Variants in CDK6 observed in about 807,000 individuals in gnomAD.
CDK6 encodes the protein cyclin-dependent kinase 6.
In CDK6, 6 loss-of-function variants were observed where a neutral mutation model predicts 37.1. The ratio of observed to expected loss-of-function variants is 0.16; its 90% confidence interval spans 0.09 to 0.32. CDK6 has a LOEUF of 0.32. CDK6 is among the 10% of genes least tolerant of loss of function. CDK6 has a pLI of 1.00. For synonymous variants in CDK6, 160 were observed against 161.3 expected, an observed-to-expected ratio of 0.99 and a Z score of 0.06; for missense variants, 224 against 418.9, an observed-to-expected ratio of 0.53 and a Z score of 4.06.
chr7:92,644,126 G>A (rs910868181), intron 5 of CDK6, among the ~76,000 whole-genome samples: 3 of 152,164 alleles, frequency 2.0e-5, no homozygotes, highest in African/African-American at 7.2e-5. Context: ...ACAACCAAAA[G>A]GCTTTTGAAA....
At chr7:92,799,194 TAC>T (rs1281308170) in intron 2 of CDK6, among the ~76,000 whole-genome samples, 1 of 152,228 alleles carries the variant, frequency 6.6e-6, no homozygotes, top group Non-Finnish European at 1.5e-5. Context: ...CACTTTGTGC[TAC>T]ACTTTCTCAC....
In CDK6 at chr7:92,611,389, C is replaced by A. The variant is rs1258061284; in HGVS notation, c.*3751G>T. On this transcript the variant is annotated 3_prime_UTR_variant, in exon 8 of 8. Transcript: ENST00000424848. The stretch of plus-strand genomic sequence containing the variant: ...CCTAGACTCAACTATGCAATTAAAG[C>A]CTGCTTTTGGAAAATGTAAGACACT... The A allele has an allele frequency of 8.8e-6, 2 of 227,490 alleles. No homozygotes were observed. Among genetic ancestry groups the A allele is most frequent in the Admixed American group, 5.7e-5 (1 of 17,618 alleles). 14.1% of individuals were successfully genotyped at this position (227,490 alleles called of 1,614,324 possible).
chr7:92,767,795 G>T (rs1172022555), intron 3 of CDK6, among the ~76,000 whole-genome samples: 1 of 151,904 alleles, frequency 6.6e-6, no homozygotes, highest in East Asian at 1.9e-4. Flanking sequence ...GTAAAGTTGT[G>T]GTTTCTGTGG....
chr7:92,819,593 T>C (rs1225489899), intron 2 of CDK6, among the ~76,000 whole-genome samples: 1 of 151,964 alleles, frequency 6.6e-6, no homozygotes, highest in Non-Finnish European at 1.5e-5. Context: ...CACCAGGCAT[T>C]TAAAAAATTC....
At position 92,740,271 on chromosome 7, in the gene CDK6, T is replaced by C. The variant is rs73710468; in HGVS notation, c.370-14478A>G. The stretch of plus-strand genomic sequence containing the variant: ...ATCTCTGTTCTGTTGCAATGCTATT[T>C]GCTTTTCCTGGAATGCTTGCTCCAT... On this transcript the variant is annotated intron_variant, in intron 3 of 7. Transcript: ENST00000424848. 4.2e-3 allele frequency among the ~76,000 whole-genome samples: 642 copies of C among 152,334 alleles called. 5 individuals carry two copies. Among genetic ancestry groups the C allele is most frequent in the African/African-American group, 0.015 (607 of 41,566 alleles).
chr7:92,684,673 T>G (rs971712154), intron 4 of CDK6, among the ~76,000 whole-genome samples: 1 of 152,194 alleles, frequency 6.6e-6, no homozygotes, highest in Non-Finnish European at 1.5e-5. Flanking sequence ...CATGTCAGGC[T>G]CTTCCTCAAA....
At chr7:92,796,162 T>A (rs1800407022) in intron 2 of CDK6, among the ~76,000 whole-genome samples, 1 of 150,802 alleles carries the variant, frequency 6.6e-6, no homozygotes. Context: ...TTTTCTGTAA[T>A]GAGCAACAGA....
At chr7:92,700,344 G>C (rs1410525139) in intron 4 of CDK6, among the ~76,000 whole-genome samples, 5 of 152,164 alleles carry the variant, frequency 3.3e-5, no homozygotes, top group Admixed American at 3.3e-4. Context: ...CTGAAGGCAG[G>C]GATCTCAATG....
intron 5 of CDK6, among the ~76,000 whole-genome samples, chr7:92,654,151 C>T (rs1044200860): frequency 6.6e-6 from 1 of 150,744 alleles, no homozygotes; most frequent in African/African-American, 2.4e-5. Context: ...GTCTCTCCAT[C>T]TCAGATTGCT....
chr7:92,618,103 T>C lies in CDK6; in HGVS notation c.803A>G (p.Asp268Gly). The change falls in exon 7 of 8, where the codon GAT becomes GGT. Residue 268 changes from aspartate to glycine, a missense_variant. Physicochemically the swap from Asp to Gly is moderately conservative, Grantham distance 94. This residue lies in a region of CDK6 where 90 missense variants were observed against 136.2 expected (regional missense o/e 0.66). Coordinates refer to ENST00000424848, the MANE Select transcript of CDK6 (RefSeq NM_001145306.2). ...TAGGTCTTTGCCTAGTTCATCGATA[T>C]CTGTTACAAACTTCTCAATTGGTTG... ...SAQPIEKFVTDIDELGKDLLL... is the reference protein window; with the variant it reads ...SAQPIEKFVTGIDELGKDLLL... 6.2e-7 allele frequency: 1 copy of C among 1,614,162 alleles called. No homozygotes were observed. The highest frequency in any genetic ancestry group is 1.7e-5 in the Admixed American group (1 of 60,004).
intron 3 of CDK6, among the ~76,000 whole-genome samples, chr7:92,732,547 G>A (rs549630673): frequency 6.6e-6 from 1 of 152,288 alleles, no homozygotes; most frequent in South Asian, 2.1e-4. Flanking sequence ...CTTCAAATGA[G>A]GTAATGCTTA....
chr7:92,756,963 C>T (rs1364488539), intron 3 of CDK6, among the ~76,000 whole-genome samples: 1 of 151,882 alleles, frequency 6.6e-6, no homozygotes, highest in African/African-American at 2.4e-5. Flanking sequence ...TGTTTCTAAC[C>T]CAGAACTGAA....
intron 2 of CDK6, among the ~76,000 whole-genome samples, chr7:92,830,799 C>T (rs1271434396): frequency 2.0e-5 from 3 of 152,190 alleles, no homozygotes; most frequent in Non-Finnish European, 4.4e-5. Context: ...TTTCATGGCT[C>T]GTGACTGAGA....
intron 2 of CDK6, among the ~76,000 whole-genome samples, chr7:92,786,827 T>C (rs1311055370): frequency 6.6e-6 from 1 of 151,840 alleles, no homozygotes. Flanking sequence ...TTTTTAAAAA[T>C]GCAAGTTTCA....
intron 2 of CDK6, among the ~76,000 whole-genome samples, chr7:92,819,222 A>G (rs1801109032): frequency 6.6e-6 from 1 of 152,124 alleles, no homozygotes; most frequent in Non-Finnish European, 1.5e-5. Flanking sequence ...ATAATGGAAA[A>G]TGAACTACTC....
At chr7:92,816,676 G>A (rs895876053) in intron 2 of CDK6, among the ~76,000 whole-genome samples, 2 of 151,684 alleles carry the variant, frequency 1.3e-5, no homozygotes, top group Non-Finnish European at 2.9e-5. Flanking sequence ...CTAAAACTAA[G>A]AACAAATTAA....
chr7:92,657,685 A>C (rs554726300), intron 5 of CDK6, among the ~76,000 whole-genome samples: 6 of 152,290 alleles, frequency 3.9e-5, no homozygotes, highest in African/African-American at 1.4e-4. Context: ...AAACTTAACA[A>C]AAGTTTTATA....
intron 4 of CDK6, among the ~76,000 whole-genome samples, chr7:92,707,506 C>T (rs1797994360): frequency 6.6e-6 from 1 of 152,064 alleles, no homozygotes; most frequent in African/African-American, 2.4e-5. Flanking sequence ...AGTAATATTC[C>T]AGGAACACTT....
In CDK6 at chr7:92,759,971, A is replaced by G. The variant is rs150863531; in HGVS notation, c.369+14725T>C. Among the ~76,000 whole-genome samples, 315 of 152,282 alleles carry G rather than the reference A, an allele frequency of 2.1e-3. 1 individual carries two copies. Among genetic ancestry groups the G allele is most frequent in the African/African-American group, 7.3e-3 (302 of 41,580 alleles). On this transcript the variant is annotated intron_variant, in intron 3 of 7. Coordinates refer to ENST00000424848, the MANE Select transcript of CDK6 (RefSeq NM_001145306.2). ...ACATCTAACACTGCTTCATTAAACC[A>G]ATTCAGCATTCATAATATCTTATCT...
Sources: allele counts gnomAD v4.1 joint callset (sites outside exome capture counted in the v4.1 genomes callset), GRCh38; gene constraint gnomAD v4.1.1; regional missense constraint gnomAD v4.1.1; transcripts MANE v1.5; gene names NCBI Gene and HGNC (gene_info 2026-07-23, HGNC 2026-07-21).